RALYL: variants seen among roughly 807,000 people sequenced by gnomAD.
RALYL encodes RNA-binding Raly-like protein.
In RALYL, 29 loss-of-function variants were observed where a neutral mutation model predicts 35.1. The ratio of observed to expected loss-of-function variants is 0.83; its 90% CI spans 0.61 to 1.13. The LOEUF (loss-of-function observed/expected upper bound fraction) is 1.13, where lower values mean the gene tolerates loss of function less well. Ranked by LOEUF, RALYL falls within the 50% of genes most tolerant of loss-of-function variation. The pLI, the probability that RALYL is intolerant of heterozygous loss-of-function variation, is 0.00. For missense variants in RALYL, 359 were observed against 360.4 expected (o/e 1.00, Z 0.03); for synonymous variants, 120 against 127.6 (o/e 0.94, Z 0.40).
chr8:84,786,308 T>C (rs1403903471), intron 3 of RALYL, among the ~76,000 whole-genome samples: 1 of 152,234 alleles, frequency 6.6e-6, no homozygotes, highest in East Asian at 1.9e-4. Context: ...TGTATCCTTA[T>C]AATAGAACGA....
chr8:84,340,393 T>A (rs948319486), intron 1 of RALYL, among the ~76,000 whole-genome samples: 1 of 152,116 alleles, frequency 6.6e-6, no homozygotes, highest in African/African-American at 2.4e-5. Context: ...AACTTAATCA[T>A]CTTACATAAC....
chr8:84,288,634 C>G (rs2132187288), intron 1 of RALYL, among the ~76,000 whole-genome samples: 1 of 151,840 alleles, frequency 6.6e-6, no homozygotes, highest in African/African-American at 2.4e-5. Flanking sequence ...TAATAATTCA[C>G]TAACAGATGT....
At chr8:84,510,069 TG>T (rs2057484471) in intron 1 of RALYL, among the ~76,000 whole-genome samples, 1 of 152,206 alleles carries the variant, frequency 6.6e-6, no homozygotes, top group African/African-American at 2.4e-5. Flanking sequence ...TTATTGAGAT[TG>T]CATTGAATCT....
At chr8:84,827,015 A>G (rs1336101963) in intron 4 of RALYL, among the ~76,000 whole-genome samples, 1 of 152,174 alleles carries the variant, frequency 6.6e-6, no homozygotes, top group Admixed American at 6.6e-5. Flanking sequence ...ATGTATCTAC[A>G]TTTAAAAGTA....
intron 1 of RALYL, among the ~76,000 whole-genome samples, chr8:84,455,719 G>C (rs911194635): frequency 2.6e-5 from 4 of 151,964 alleles, no homozygotes; most frequent in African/African-American, 9.7e-5. Flanking sequence ...CAATTATTCA[G>C]TCTCTTGCTT....
intron 1 of RALYL, among the ~76,000 whole-genome samples, chr8:84,302,900 C>A (rs141712438): frequency 6.6e-6 from 1 of 152,240 alleles, no homozygotes; most frequent in African/African-American, 2.4e-5. Context: ...TAAGATCTTA[C>A]GTTAGACACC....
At chr8:84,233,773 T>G (rs767741268) in intron 1 of RALYL, among the ~76,000 whole-genome samples, 2 of 152,190 alleles carry the variant, frequency 1.3e-5, no homozygotes, top group Non-Finnish European at 2.9e-5. Context: ...ATGCAATAAC[T>G]TTCTAGTTGG....
At chr8:84,710,430 T>G (rs150888493) in intron 2 of RALYL, among the ~76,000 whole-genome samples, 2,328 of 152,114 alleles carry the variant, frequency 0.015, 63 homozygotes, top group African/African-American at 0.053. Flanking sequence ...GCCTCCTGAG[T>G]AGCTGGGATT....
chr8:84,194,256 A>G (rs1300367277), intron 1 of RALYL, among the ~76,000 whole-genome samples: 3 of 152,198 alleles, frequency 2.0e-5, no homozygotes, highest in Non-Finnish European at 4.4e-5. Flanking sequence ...TAACAGGATG[A>G]CAAGTGAGGA....
intron 2 of RALYL, among the ~76,000 whole-genome samples, chr8:84,654,310 T>TATATATATATATATATAC (rs1554766145): frequency 3.2e-4 from 43 of 134,726 alleles, no homozygotes; most frequent in African/African-American, 8.5e-4. Flanking sequence ...TATATATATA[T>TATATATATATATATATAC]ATATCATGTA....
intron 2 of RALYL, among the ~76,000 whole-genome samples, chr8:84,768,667 T>C (rs1455725775): frequency 6.6e-6 from 1 of 152,230 alleles, no homozygotes; most frequent in African/African-American, 2.4e-5. Flanking sequence ...GAGAGAAGTA[T>C]AGTTTCTACA....
intron 1 of RALYL, among the ~76,000 whole-genome samples, chr8:84,468,811 A>C (rs2052189271): frequency 6.6e-6 from 1 of 152,074 alleles, no homozygotes; most frequent in Admixed American, 6.6e-5. Flanking sequence ...CTTTTCACAT[A>C]GTCCCGTATT....
chr8:84,324,287 T>C (rs575526817), intron 1 of RALYL, among the ~76,000 whole-genome samples: 2 of 151,918 alleles, frequency 1.3e-5, no homozygotes, highest in Non-Finnish European at 2.9e-5. Flanking sequence ...TAATTTCTTT[T>C]TTTTCCTTCC....
At chr8:84,343,347 C>T (rs1008761085) in intron 1 of RALYL, among the ~76,000 whole-genome samples, 6 of 152,024 alleles carry the variant, frequency 3.9e-5, no homozygotes, top group Non-Finnish European at 8.8e-5. Context: ...CCTCCTTGCA[C>T]TTTGAAAAGC....
intron 2 of RALYL, among the ~76,000 whole-genome samples, chr8:84,686,397 T>G (rs1836790793): frequency 6.7e-6 from 1 of 148,688 alleles, no homozygotes; most frequent in African/African-American, 2.6e-5. Flanking sequence ...TACATCATAT[T>G]GTTTGTTTGT....
intron 2 of RALYL, among the ~76,000 whole-genome samples, chr8:84,700,259 A>G (rs1839948750): frequency 6.6e-6 from 1 of 152,158 alleles, no homozygotes; most frequent in Non-Finnish European, 1.5e-5. Context: ...AATCAATTGT[A>G]ATTGTAGTTA....
chr8:84,888,372 T>C (rs1843252719), intron 8 of RALYL, among the ~76,000 whole-genome samples: 1 of 152,222 alleles, frequency 6.6e-6, no homozygotes, highest in Non-Finnish European at 1.5e-5. Context: ...CATTTCCAGA[T>C]GTCCTTTCCT....
At chr8:84,398,469 C>G (rs539678960) in intron 1 of RALYL, among the ~76,000 whole-genome samples, 1 of 151,952 alleles carries the variant, frequency 6.6e-6, no homozygotes, top group African/African-American at 2.4e-5. Context: ...ATAAGAGGAC[C>G]TAGAAAATAT....
At chr8:84,701,175 G>A (rs1488658027) in intron 2 of RALYL, among the ~76,000 whole-genome samples, 1 of 152,126 alleles carries the variant, frequency 6.6e-6, no homozygotes, top group East Asian at 1.9e-4. Context: ...AACATTTTCT[G>A]TTCCTACCTG....
Sources: gnomAD v4.1 joint callset for allele counts (sites outside exome capture counted in the v4.1 genomes callset) on GRCh38, gnomAD v4.1.1 for gene constraint, MANE v1.5 for transcripts, NCBI Gene and HGNC (gene_info 2026-07-23, HGNC 2026-07-21) for gene names.